KDM4C: variants seen among roughly 807,000 people sequenced by gnomAD.
KDM4C encodes lysine-specific demethylase 4C.
KDM4C carries 81 observed loss-of-function variants against 129.3 expected under a neutral mutation model. That is an observed-to-expected ratio of 0.63 (90% CI 0.52 to 0.75). KDM4C has a LOEUF of 0.75. KDM4C is among the 30% of genes least tolerant of loss of function. KDM4C has a pLI of 0.00. For synonymous variants in KDM4C, 573 were observed against 456.1 expected (o/e 1.26, Z -3.26); for missense variants, 1,457 against 1,304.0 (o/e 1.12, Z -1.81).
intron 12 of KDM4C, among the ~76,000 whole-genome samples, chr9:6,992,256 G>C (rs1818891222): frequency 6.6e-6 from 1 of 152,264 alleles, no homozygotes; most frequent in East Asian, 1.9e-4. Flanking sequence ...TGCCTAGGAA[G>C]TTTATTTTGA....
chr9:6,778,249 C>T (rs946422324), intron 1 of KDM4C, among the ~76,000 whole-genome samples: 2 of 151,850 alleles, frequency 1.3e-5, no homozygotes, highest in African/African-American at 4.8e-5. Flanking sequence ...GCCACCACCC[C>T]TGGCTAATTT....
At chr9:6,824,693 G>C (rs1229397533) in intron 4 of KDM4C, among the ~76,000 whole-genome samples, 1 of 151,076 alleles carries the variant, frequency 6.6e-6, no homozygotes, top group Non-Finnish European at 1.5e-5. Flanking sequence ...CATTAAAACA[G>C]TCCATTATAT....
chr9:7,109,737 G>A (rs532977770), intron 18 of KDM4C, among the ~76,000 whole-genome samples: 6 of 152,106 alleles, frequency 3.9e-5, no homozygotes, highest in African/African-American at 1.4e-4. Flanking sequence ...TCTTCTTGAT[G>A]TTCTTGCTCC....
chr9:7,097,389 G>T (rs1836563295), intron 17 of KDM4C, among the ~76,000 whole-genome samples: 1 of 152,218 alleles, frequency 6.6e-6, no homozygotes, highest in Middle Eastern at 3.2e-3. Context: ...GGAGCCATCA[G>T]GTTGGAACTC....
chr9:6,852,768 T>A (rs557343850), intron 5 of KDM4C, among the ~76,000 whole-genome samples: 1 of 152,154 alleles, frequency 6.6e-6, no homozygotes, highest in Non-Finnish European at 1.5e-5. Flanking sequence ...AGGCTCTGGA[T>A]GGGATTATTG....
intron 5 of KDM4C, among the ~76,000 whole-genome samples, chr9:6,864,552 C>A (rs1434614591): frequency 6.7e-6 from 1 of 149,776 alleles, no homozygotes; most frequent in East Asian, 2.0e-4. Flanking sequence ...CTCACAGTAA[C>A]CTCTGCCTCC....
At chr9:7,003,119 C>A (rs1473212685) in intron 12 of KDM4C, among the ~76,000 whole-genome samples, 1 of 152,126 alleles carries the variant, frequency 6.6e-6, no homozygotes, top group African/African-American at 2.4e-5. Flanking sequence ...ATCTGCCTCG[C>A]CCTCCCAAAG....
intron 1 of KDM4C, among the ~76,000 whole-genome samples, chr9:6,731,485 C>G (rs1817333817): frequency 6.6e-6 from 1 of 152,066 alleles, no homozygotes; most frequent in African/African-American, 2.4e-5. Context: ...CACTACCTAC[C>G]ACACCCAGCT....
intron 4 of KDM4C, among the ~76,000 whole-genome samples, chr9:6,831,523 A>G (rs1379634376): frequency 2.6e-5 from 4 of 152,178 alleles, no homozygotes; most frequent in African/African-American, 7.2e-5. Flanking sequence ...TTGTATTTTT[A>G]GTAGAGATGG....
chr9:6,819,868 A>T (rs117733074), intron 4 of KDM4C, among the ~76,000 whole-genome samples: 1 of 152,318 alleles, frequency 6.6e-6, no homozygotes, highest in African/African-American at 2.4e-5. Context: ...TTCAGTATTT[A>T]AATTGTACCA....
At chr9:6,744,247 C>T (rs1031098680) in intron 1 of KDM4C, among the ~76,000 whole-genome samples, 2 of 152,250 alleles carry the variant, frequency 1.3e-5, no homozygotes, top group Admixed American at 6.5e-5. Flanking sequence ...TAACAGCTGC[C>T]GGGCACAGTG....
intron 8 of KDM4C, among the ~76,000 whole-genome samples, chr9:6,941,042 T>C (rs944626301): frequency 6.6e-6 from 1 of 152,154 alleles, no homozygotes; most frequent in Non-Finnish European, 1.5e-5. Flanking sequence ...TTCCTTTTTT[T>C]TTTTTTTGGA....
rs545129857 is a variant in KDM4C at position 7,085,572 on chromosome 9, A to G, written c.2425-18113A>G. 2.6e-5 allele frequency among the ~76,000 whole-genome samples: 4 copies of G among 152,252 alleles called. No homozygotes were observed. In the South Asian group the frequency reaches 8.3e-4, roughly 32 times the overall value. On this transcript the variant is annotated intron_variant, in intron 17 of 21. Coordinates refer to ENST00000381309, the MANE Select transcript of KDM4C (RefSeq NM_015061.6). ...GGATGACATTTAATTTTGCTTGAGGATGGCATCATATTGAAACCTGTGAGA... is the reference window on the plus strand; with the variant it reads ...GGATGACATTTAATTTTGCTTGAGGGTGGCATCATATTGAAACCTGTGAGA...
At chr9:7,107,189 T>G (rs976749076) in intron 18 of KDM4C, among the ~76,000 whole-genome samples, 3 of 152,260 alleles carry the variant, frequency 2.0e-5, no homozygotes, top group Admixed American at 1.3e-4. Context: ...CCATGATTCA[T>G]TATAACCTAG....
At chr9:6,934,794 T>C (rs1189478950) in intron 8 of KDM4C, among the ~76,000 whole-genome samples, 1 of 152,102 alleles carries the variant, frequency 6.6e-6, no homozygotes, top group Non-Finnish European at 1.5e-5. Context: ...TTTAATTGGA[T>C]ATGAACTGAT....
chr9:7,075,846 C>G (rs1398185823), intron 17 of KDM4C, among the ~76,000 whole-genome samples: 1 of 151,430 alleles, frequency 6.6e-6, no homozygotes, highest in Non-Finnish European at 1.5e-5. Context: ...GAGTTTCACT[C>G]CTGTCACCCA....
chr9:6,734,418 C>T (rs1337502117), intron 1 of KDM4C, among the ~76,000 whole-genome samples: 2 of 151,842 alleles, frequency 1.3e-5, no homozygotes, highest in African/African-American at 2.4e-5. Flanking sequence ...CCTCAGCCTC[C>T]CGAGTAGCTG....
At chr9:7,110,596 T>G (rs10758828) in intron 18 of KDM4C, among the ~76,000 whole-genome samples, 1 of 151,818 alleles carries the variant, frequency 6.6e-6, no homozygotes, top group Non-Finnish European at 1.5e-5. Context: ...TCTACGCGCT[T>G]GGATCCACAG....
chr9:7,064,092 C>T (rs1162209229), intron 17 of KDM4C, among the ~76,000 whole-genome samples: 1 of 152,168 alleles, frequency 6.6e-6, no homozygotes, highest in Non-Finnish European at 1.5e-5. Context: ...AAATCTGAAG[C>T]AGCTACATTT....
Sources: gnomAD v4.1 joint callset for allele counts (sites outside exome capture counted in the v4.1 genomes callset) on GRCh38, gnomAD v4.1.1 for gene constraint, MANE v1.5 for transcripts, NCBI Gene and HGNC (gene_info 2026-07-23, HGNC 2026-07-21) for gene names.